The following SBF2 variants were observed in gnomAD, a reference collection of about 807,000 sequenced individuals.
SBF2 encodes the protein myotubularin-related protein 13.
A neutral mutation model predicts 225.2 loss-of-function variants in SBF2; 112 were observed. The ratio of observed to expected loss-of-function variants is 0.50; its 90% CI spans 0.43 to 0.58. SBF2 has a LOEUF of 0.58. Ranked by LOEUF, SBF2 falls within the 20% of genes least tolerant of loss-of-function variation. The pLI is 0.00. For synonymous variants in SBF2, 763 were observed against 773.3 expected (o/e 0.99, Z 0.22); for missense variants, 1,996 against 2,206.2 (o/e 0.90, Z 1.91).
intron 2 of SBF2, among the ~76,000 whole-genome samples, chr11:10,094,759 C>G (rs1380231351): frequency 6.6e-6 from 1 of 151,842 alleles, no homozygotes; most frequent in African/African-American, 2.4e-5. Flanking sequence ...CCGCCTCGGC[C>G]TCCTTAAAGT....
At chr11:10,039,293 T>C (rs1166554543) in intron 3 of SBF2, among the ~76,000 whole-genome samples, 4 of 151,882 alleles carry the variant, frequency 2.6e-5, no homozygotes, top group Admixed American at 1.3e-4. Context: ...CATAAACAGT[T>C]CATGCCAAAA....
intron 2 of SBF2, among the ~76,000 whole-genome samples, chr11:10,090,943 G>A (rs888691652): frequency 5.9e-5 from 9 of 151,830 alleles, no homozygotes; most frequent in Admixed American, 5.2e-4. Flanking sequence ...ACTATAAAAC[G>A]TAACTTATAA....
intron 6 of SBF2, among the ~76,000 whole-genome samples, chr11:10,008,746 T>C (rs1480834688): frequency 5.9e-5 from 9 of 152,228 alleles, no homozygotes; most frequent in Non-Finnish European, 1.0e-4. Context: ...GAGAGAATCC[T>C]TTGTCTTGAG....
At chr11:10,196,393 T>A (rs981828691) in intron 1 of SBF2, among the ~76,000 whole-genome samples, 1 of 152,134 alleles carries the variant, frequency 6.6e-6, no homozygotes, top group African/African-American at 2.4e-5. Context: ...ATATTAATTA[T>A]TTTTTGGACA....
In SBF2 at chr11:10,197,596, G is replaced by C. The variant is rs149817051; in HGVS notation, c.56-3609C>G. On this transcript the variant is annotated intron_variant, in intron 1 of 39. Transcript: ENST00000256190. Reference sequence around the variant, plus strand: ...CAGGGTGGTGGCTGCGGCAATTATTGAAAACGAGACAACAGTGAAGTTTGC... The same window carrying C: ...CAGGGTGGTGGCTGCGGCAATTATTCAAAACGAGACAACAGTGAAGTTTGC... Among the ~76,000 whole-genome samples, 581 of 152,282 alleles carry C rather than the reference G, an allele frequency of 3.8e-3. 4 individuals carry two copies. Among genetic ancestry groups the C allele is most frequent in the South Asian group, 5.4e-3 (26 of 4,826 alleles).
intron 1 of SBF2, among the ~76,000 whole-genome samples, chr11:10,243,527 AAG>A (rs1334255112): frequency 6.6e-6 from 1 of 151,374 alleles, no homozygotes. Context: ...TGACAAAATA[AAG>A]AGTTTTTTGA....
chr11:10,245,501 T>A (rs1371667861), intron 1 of SBF2, among the ~76,000 whole-genome samples: 1 of 152,088 alleles, frequency 6.6e-6, no homozygotes, highest in African/African-American at 2.4e-5. Flanking sequence ...AGATAAGTAA[T>A]GTTGGCAAGG....
chr11:9,785,844 A>G (rs960377101), intron 36 of SBF2, among the ~76,000 whole-genome samples: 2 of 147,536 alleles, frequency 1.4e-5, no homozygotes, highest in African/African-American at 2.5e-5. Flanking sequence ...AGAGTGAGAC[A>G]CTATCTCAAA....
chr11:9,929,575 A>C (rs1184271600), intron 16 of SBF2, among the ~76,000 whole-genome samples: 1 of 152,204 alleles, frequency 6.6e-6, no homozygotes, highest in African/African-American at 2.4e-5. Flanking sequence ...CGATGAGATA[A>C]ACCGAAAACT....
intron 14 of SBF2, among the ~76,000 whole-genome samples, chr11:9,966,553 TG>T (rs1429723388): frequency 6.6e-6 from 1 of 152,108 alleles, no homozygotes; most frequent in Non-Finnish European, 1.5e-5. Flanking sequence ...GCTATTATAA[TG>T]GGAGACTTTA....
chr11:10,180,235 AT>A (rs1346180933), intron 2 of SBF2, among the ~76,000 whole-genome samples: 2 of 152,072 alleles, frequency 1.3e-5, no homozygotes, highest in African/African-American at 2.4e-5. Context: ...TGATGGAGCT[AT>A]TCCCTTTATC....
intron 1 of SBF2, among the ~76,000 whole-genome samples, chr11:10,299,782 G>A (rs766103993): frequency 2.6e-5 from 4 of 152,180 alleles, no homozygotes; most frequent in South Asian, 2.1e-4. Context: ...TACCACCACC[G>A]TGCTGCTTCC....
rs77268441 is a variant in SBF2, at chr11:10,000,396, A to G, written c.861+518T>C. Among the ~76,000 whole-genome samples, 189 of 152,344 alleles carry G rather than the reference A, an allele frequency of 1.2e-3. 1 individual carries two copies. The highest frequency in any genetic ancestry group is 3.4e-3 in the Middle Eastern group (1 of 294). On this transcript the variant is annotated intron_variant, in intron 8 of 39. Transcript: ENST00000256190. ...CTCATAAAGTGTGATACACAGAACT[A>G]AATGAATTATTCCAGAACTGGCTTG...
chr11:10,213,024 G>T (rs73415101), intron 1 of SBF2, among the ~76,000 whole-genome samples: 2,322 of 151,716 alleles, frequency 0.015, 44 homozygotes, highest in African/African-American at 0.04. Flanking sequence ...ACTTCAGTTT[G>T]GCGACAGAGC....
intron 17 of SBF2, among the ~76,000 whole-genome samples, chr11:9,885,265 A>C (rs1029333710): frequency 1.3e-4 from 20 of 150,218 alleles, no homozygotes; most frequent in Non-Finnish European, 2.1e-4. Context: ...AAAAAAAAAA[A>C]AAAAAAAAAA....
At chr11:9,893,618 T>C (rs1055792342) in intron 17 of SBF2, among the ~76,000 whole-genome samples, 1 of 152,134 alleles carries the variant, frequency 6.6e-6, no homozygotes, top group Non-Finnish European at 1.5e-5. Context: ...GGTGGTAGCT[T>C]CCTATCAAGT....
chr11:10,270,025 C>A (rs1962339170), intron 1 of SBF2, among the ~76,000 whole-genome samples: 1 of 152,234 alleles, frequency 6.6e-6, no homozygotes, highest in South Asian at 2.1e-4. Context: ...TAGAACAATT[C>A]ATCACAGCAC....
intron 16 of SBF2, among the ~76,000 whole-genome samples, chr11:9,936,970 C>A (rs983147394): frequency 2.6e-5 from 4 of 152,120 alleles, no homozygotes; most frequent in African/African-American, 9.7e-5. Flanking sequence ...ATGACCTAAT[C>A]ATCTCTTAAA....
chr11:10,246,640 A>G (rs952847656), intron 1 of SBF2, among the ~76,000 whole-genome samples: 4 of 152,242 alleles, frequency 2.6e-5, no homozygotes, highest in African/African-American at 7.2e-5. Flanking sequence ...TATATGATAA[A>G]AAGACAAGCA....
Sources: allele counts gnomAD v4.1 joint callset (sites outside exome capture counted in the v4.1 genomes callset), GRCh38; gene constraint gnomAD v4.1.1; transcripts MANE v1.5; gene names NCBI Gene and HGNC (gene_info 2026-07-23, HGNC 2026-07-21).